Variants in TAS2R1 observed in about 807,000 individuals in gnomAD.
TAS2R1 encodes taste receptor type 2 member 1.
For missense variants in TAS2R1, 370 were observed against 353.4 expected (o/e 1.05, Z -0.38); for synonymous variants, 141 against 134.2 (o/e 1.05, Z -0.35).
At chr5:9,772,549 GTTTCTTTGTTGA>G in the TAS2R1 span, among the ~76,000 whole-genome samples, 1 of 151,990 alleles carries the variant, frequency 6.6e-6, no homozygotes, top group Non-Finnish European at 1.5e-5. Flanking sequence ...TAAGTCCAAT[GTTTCTTTGTTGA>G]TTTTGTCTGG....
the TAS2R1 span, among the ~76,000 whole-genome samples, chr5:9,839,002 G>A: frequency 0.059 from 9,032 of 152,252 alleles, 635 homozygotes; most frequent in East Asian, 0.23. Flanking sequence ...TCCAGAAGCC[G>A]ATGGAAAAAC....
rs1414006714 is a variant in TAS2R1 at position 9,654,396 on chromosome 5, A to C, written c.-81+5025T>G. ...CCTTCCACCATTCCTTTACTTATAA[A>C]AAATAGCATTTTAATTAAAATAATC... On this transcript the variant is annotated intron_variant, in intron 2 of 2. Transcript: ENST00000506620. 2.0e-5 allele frequency among the ~76,000 whole-genome samples: 3 copies of C among 152,304 alleles called. No individual in the cohort carries two copies. In the East Asian group the frequency reaches 5.8e-4, roughly 29 times the overall value.
At chr5:9,737,198 G>A in the TAS2R1 span, among the ~76,000 whole-genome samples, 1 of 152,178 alleles carries the variant, frequency 6.6e-6, no homozygotes, top group Non-Finnish European at 1.5e-5. Context: ...ATTGTTTTCT[G>A]AAGGTGCACA....
the TAS2R1 span, among the ~76,000 whole-genome samples, chr5:9,858,721 G>A: frequency 2.6e-5 from 4 of 152,298 alleles, no homozygotes; most frequent in South Asian, 4.1e-4. Context: ...GGAGTCTGAC[G>A]AGGCTCTGTT....
At chr5:9,799,924 T>TA in the TAS2R1 span, among the ~76,000 whole-genome samples, 2 of 152,142 alleles carry the variant, frequency 1.3e-5, no homozygotes, top group Non-Finnish European at 2.9e-5. Context: ...TTTGTTATCA[T>TA]AAAAAAATCC....
the TAS2R1 span, among the ~76,000 whole-genome samples, chr5:9,739,182 C>T: frequency 6.6e-6 from 1 of 152,154 alleles, no homozygotes; most frequent in Admixed American, 6.5e-5. Context: ...TCATAAGGCA[C>T]CTGCTCCCTC....
chr5:9,767,789 T>C, the TAS2R1 span, among the ~76,000 whole-genome samples: 1 of 152,064 alleles, frequency 6.6e-6, no homozygotes, highest in South Asian at 2.1e-4. Flanking sequence ...GCTGGCATGG[T>C]GGCGCACACC....
At chr5:9,634,379 C>T (rs1348279867), upstream of TAS2R1, among the ~76,000 whole-genome samples, 3 of 151,912 alleles carry the variant, frequency 2.0e-5, no homozygotes, top group Non-Finnish European at 2.9e-5. Context: ...TTATGTGATG[C>T]TTCCAGGTTT....
the TAS2R1 span, among the ~76,000 whole-genome samples, chr5:9,825,837 A>G: frequency 6.6e-6 from 1 of 152,294 alleles, no homozygotes; most frequent in East Asian, 1.9e-4. Context: ...TTTTTTGTAT[A>G]TTCATCTGAG....
chr5:9,745,820 A>AG, the TAS2R1 span, among the ~76,000 whole-genome samples: 19 of 152,276 alleles, frequency 1.2e-4, no homozygotes, highest in African/African-American at 4.1e-4. Context: ...AAACCCTAGA[A>AG]AAAAGCTAGG....
At chr5:9,823,531 G>A in the TAS2R1 span, among the ~76,000 whole-genome samples, 3 of 144,014 alleles carry the variant, frequency 2.1e-5, no homozygotes, top group African/African-American at 7.8e-5. Context: ...GGAAGGGAAG[G>A]GAAAAGGAAA....
Position 9,629,600 on chromosome 5 carries a change from T to C in TAS2R1, c.433A>G (p.Ser145Gly), listed in dbSNP as rs1739829057. The C allele has an allele frequency of 1.9e-6, 3 of 1,614,028 alleles. No individual in the cohort carries two copies. The African/African-American group carries it at 4.0e-5, about 22-fold the overall frequency. The change falls in exon 1 of 1, where the codon AGC (serine) becomes GGC (glycine). Residue 145 changes from serine (S) to glycine (G), a missense_variant. By Grantham distance (56) the Ser-to-Gly change is moderately conservative (BLOSUM62 0). Transcript: ENST00000382492. The stretch of plus-strand genomic sequence containing the variant: ...GGGACCATAAACCCTGCATATTTGC[T>C]ATGGAAAACACAAATCATAGATACA... ...LYVSMICVFH[S>G]KYAGFMVPYF... is the part of the protein sequence containing the mutation.
intron 1 of TAS2R1, among the ~76,000 whole-genome samples, chr5:9,699,887 C>T (rs1468279996): frequency 2.0e-5 from 3 of 152,226 alleles, no homozygotes; most frequent in South Asian, 4.2e-4. Context: ...ATAAAGTTAG[C>T]GGACTCCCTG....
chr5:9,775,303 G>A, the TAS2R1 span, among the ~76,000 whole-genome samples: 1 of 152,190 alleles, frequency 6.6e-6, no homozygotes, highest in Non-Finnish European at 1.5e-5. Context: ...AATGCTGTCA[G>A]GCCTGGGACT....
At chr5:9,697,966 G>A (rs1741396922) in intron 1 of TAS2R1, among the ~76,000 whole-genome samples, 1 of 151,750 alleles carries the variant, frequency 6.6e-6, no homozygotes, top group Non-Finnish European at 1.5e-5. Flanking sequence ...TAAAATCCAG[G>A]AAAATTATTT....
chr5:9,855,109 C>A, the TAS2R1 span, among the ~76,000 whole-genome samples: 1 of 152,144 alleles, frequency 6.6e-6, no homozygotes, highest in African/African-American at 2.4e-5. Context: ...GTACCTTTCA[C>A]GGGATACTTC....
At chr5:9,638,637 G>T (rs1226894085) in intron 2 of TAS2R1, among the ~76,000 whole-genome samples, 1 of 152,124 alleles carries the variant, frequency 6.6e-6, no homozygotes, top group East Asian at 1.9e-4. Context: ...AGATGGCCAG[G>T]GTAATTATTT....
At chr5:9,799,660 C>A in the TAS2R1 span, among the ~76,000 whole-genome samples, 9,287 of 152,208 alleles carry the variant, frequency 0.061, 838 homozygotes, top group African/African-American at 0.19. Context: ...GGGCATAATT[C>A]TCCCAATTAA....
At chr5:9,735,451 G>A in the TAS2R1 span, among the ~76,000 whole-genome samples, 7 of 151,442 alleles carry the variant, frequency 4.6e-5, no homozygotes, top group Non-Finnish European at 4.4e-5. Context: ...AAAAGCTCAC[G>A]ATGCTTTGTC....
Sources: gnomAD v4.1 joint callset for allele counts (sites outside exome capture counted in the v4.1 genomes callset) on GRCh38, gnomAD v4.1.1 for gene constraint, MANE v1.5 for transcripts, NCBI Gene and HGNC (gene_info 2026-07-23, HGNC 2026-07-21) for gene names.